Variants in PDGFC observed in about 807,000 individuals in gnomAD.
PDGFC encodes the protein platelet derived growth factor C, also known as platelet-derived growth factor C.
PDGFC carries 12 observed loss-of-function variants against 35.5 expected under a neutral mutation model. The observed-to-expected ratio is 0.34, with a 90% CI of 0.22 to 0.55. PDGFC has a LOEUF of 0.55. PDGFC is among the 20% of genes least tolerant of loss of function. The pLI, the probability that PDGFC is intolerant of heterozygous loss-of-function variation, is 0.91. For missense variants in PDGFC, 322 were observed against 412.4 expected (o/e 0.78, Z 1.90); for synonymous variants, 159 against 148.8 (o/e 1.07, Z -0.50).
chr4:156,890,281 T>C (rs1248641729), intron 1 of PDGFC, among the ~76,000 whole-genome samples: 1 of 151,876 alleles, frequency 6.6e-6, no homozygotes, highest in Admixed American at 6.6e-5. Context: ...GGCAGGGATT[T>C]GTCCACTGCA....
chr4:156,903,104 A>AGAGAGAGAGAGAGAGT (rs368483475), intron 1 of PDGFC, among the ~76,000 whole-genome samples: 1 of 130,678 alleles, frequency 7.7e-6, no homozygotes, highest in East Asian at 2.2e-4. Flanking sequence ...AGAGAGAGAG[A>AGAGAGAGAGAGAGAGT]GTGTGTGTGT....
intron 1 of PDGFC, among the ~76,000 whole-genome samples, chr4:156,859,835 C>T (rs921055679): frequency 6.6e-6 from 1 of 152,020 alleles, no homozygotes; most frequent in African/African-American, 2.4e-5. Context: ...TGAGAATACC[C>T]AATTGTGCTG....
intron 1 of PDGFC, among the ~76,000 whole-genome samples, chr4:156,965,034 T>A (rs1408529785): frequency 6.6e-6 from 1 of 152,186 alleles, no homozygotes; most frequent in African/African-American, 2.4e-5. Flanking sequence ...GAGTAACCAG[T>A]TCTAGGAAAC....
intron 3 of PDGFC, among the ~76,000 whole-genome samples, chr4:156,797,795 T>C (rs1478437216): frequency 6.6e-6 from 1 of 152,182 alleles, no homozygotes; most frequent in Non-Finnish European, 1.5e-5. Flanking sequence ...TGTGATTGGC[T>C]GAGACTGGGC....
chr4:156,941,281 C>T lies in PDGFC; in HGVS notation c.118+29505G>A, dbSNP rs367766726. ...TAACGTATACAGTTTAAAAGTAATG[C>T]TATTTAACATTTTTTCCCATGCAAT... On this transcript the variant is annotated intron_variant, in intron 1 of 5. Coordinates refer to ENST00000502773, the MANE Select transcript of PDGFC (RefSeq NM_016205.3). Among the ~76,000 whole-genome samples, 3 of 152,032 alleles carry T rather than the reference C, an allele frequency of 2.0e-5. No individual in the cohort carries two copies. The South Asian group carries it at 6.2e-4, about 32-fold the overall frequency.
chr4:156,929,167 T>C (rs979689365), intron 1 of PDGFC, among the ~76,000 whole-genome samples: 16 of 152,018 alleles, frequency 1.1e-4, no homozygotes, highest in Admixed American at 2.0e-4. Flanking sequence ...AAAAGAAAAA[T>C]TGTGCAAAAT....
At chr4:156,780,017 A>T (rs1181761524) in intron 3 of PDGFC, among the ~76,000 whole-genome samples, 7 of 152,036 alleles carry the variant, frequency 4.6e-5, no homozygotes, top group Admixed American at 3.9e-4. Flanking sequence ...GTAATAATCA[A>T]TGTGGAAAAC....
intron 1 of PDGFC, among the ~76,000 whole-genome samples, chr4:156,889,812 A>G (rs1730460922): frequency 6.6e-6 from 1 of 152,170 alleles, no homozygotes. Context: ...CCATGAATGG[A>G]ATCTAGTGCA....
rs191901751 is a variant in PDGFC, at chr4:156,911,032, A to G, written c.118+59754T>C. 4.9e-3 allele frequency among the ~76,000 whole-genome samples: 747 copies of G among 152,284 alleles called. 3 individuals carry two copies. Among genetic ancestry groups the G allele is most frequent in the Middle Eastern group, 0.014 (4 of 294 alleles). ...TCTTAACGCGGTGTTTTACAGAGCA[A>G]AAGTTTTATTTTCATGAAGCCAAAT... On this transcript the variant is annotated intron_variant, in intron 1 of 5. Transcript: ENST00000502773.
intron 2 of PDGFC, among the ~76,000 whole-genome samples, chr4:156,849,144 G>C (rs887644380): frequency 6.6e-6 from 1 of 151,956 alleles, no homozygotes; most frequent in African/African-American, 2.4e-5. Flanking sequence ...TTTAGCATTT[G>C]TTTAGGTACC....
At chr4:156,842,975 G>T (rs1213809021) in intron 2 of PDGFC, among the ~76,000 whole-genome samples, 1 of 152,056 alleles carries the variant, frequency 6.6e-6, no homozygotes, top group Admixed American at 6.5e-5. Context: ...CAGCACTGTA[G>T]CAGACACTAT....
chr4:156,832,683 C>A (rs1291866972), intron 2 of PDGFC, among the ~76,000 whole-genome samples: 1 of 152,174 alleles, frequency 6.6e-6, no homozygotes, highest in African/African-American at 2.4e-5. Flanking sequence ...GAACAACGGG[C>A]GTTTGAACTG....
chr4:156,966,432 T>C (rs1732468083), intron 1 of PDGFC, among the ~76,000 whole-genome samples: 1 of 152,086 alleles, frequency 6.6e-6, no homozygotes, highest in South Asian at 2.1e-4. Flanking sequence ...GGGGAAAATA[T>C]CATCAGTCTT....
At chr4:156,901,143 A>G (rs1730771957) in intron 1 of PDGFC, among the ~76,000 whole-genome samples, 1 of 152,290 alleles carries the variant, frequency 6.6e-6, no homozygotes, top group East Asian at 1.9e-4. Context: ...TTTCTTAAAA[A>G]TACTGATCTG....
chr4:156,919,324 T>C (rs1731221052), intron 1 of PDGFC, among the ~76,000 whole-genome samples: 1 of 152,162 alleles, frequency 6.6e-6, no homozygotes, highest in South Asian at 2.1e-4. Context: ...GACCCTCAAA[T>C]TCATAATCTT....
At chr4:156,841,502 GTT>G (rs563021439) in intron 2 of PDGFC, 21 of 139,166 alleles carry the variant, frequency 1.5e-4, no homozygotes, top group African/African-American at 3.4e-4. Flanking sequence ...GTCTCAGGCA[GTT>G]TTTTTTTTTT....
chr4:156,887,824 AT>A lies in PDGFC; in HGVS notation c.119-37409del, dbSNP rs542120627. 1.8e-4 allele frequency among the ~76,000 whole-genome samples: 27 copies of A among 151,960 alleles called. No individual in the cohort carries two copies. The East Asian group carries it at 4.3e-3, about 24-fold the overall frequency. ...AGCTCAAGAGTGCAACATGGCGAAA[AT>A]CTGTCTCTGTGAAAATCTGCAAAAA... On this transcript the variant is annotated intron_variant, in intron 1 of 5. Transcript: ENST00000502773.
chr4:156,794,463 A>G (rs2110892204), intron 3 of PDGFC, among the ~76,000 whole-genome samples: 1 of 152,192 alleles, frequency 6.6e-6, no homozygotes, highest in South Asian at 2.1e-4. Context: ...AGCTTAAGAT[A>G]GGGAAGCATT....
At chr4:156,793,389 T>C (rs943565684) in intron 3 of PDGFC, among the ~76,000 whole-genome samples, 11 of 151,828 alleles carry the variant, frequency 7.2e-5, no homozygotes, top group Non-Finnish European at 1.0e-4. Context: ...TCTTTTATAA[T>C]CTAAGACTTT....
Sources: allele counts gnomAD v4.1 joint callset (sites outside exome capture counted in the v4.1 genomes callset), GRCh38; gene constraint gnomAD v4.1.1; transcripts MANE v1.5; gene names NCBI Gene and HGNC (gene_info 2026-07-23, HGNC 2026-07-21).